The following ERGIC2 variants were observed in gnomAD, a reference collection of about 807,000 sequenced individuals.
ERGIC2 encodes endoplasmic reticulum-Golgi intermediate compartment protein 2.
ERGIC2 carries 31 observed loss-of-function variants against 52.5 expected under a neutral mutation model. The ratio of observed to expected loss-of-function variants is 0.59; its 90% CI spans 0.44 to 0.80. The LOEUF (loss-of-function observed/expected upper bound fraction) is 0.80, where lower values mean the gene tolerates loss of function less well. ERGIC2 is among the 30% of genes least tolerant of loss of function. The probability of loss-of-function intolerance (pLI) is 0.00; values close to 1 mark genes in which losing one functional copy is unlikely to be tolerated. For missense variants in ERGIC2, 395 were observed against 455.2 expected (o/e 0.87, Z 1.20); for synonymous variants, 129 against 140.6 (o/e 0.92, Z 0.58).
intron 11 of ERGIC2, among the ~76,000 whole-genome samples, chr12:29,343,538 A>T (rs893202884): frequency 1.3e-5 from 2 of 152,194 alleles, no homozygotes; most frequent in Non-Finnish European, 2.9e-5. Flanking sequence ...GTCACCTTAG[A>T]TACAAGTTTT....
chr12:29,368,909 C>T lies in ERGIC2; in HGVS notation c.216-622G>A, dbSNP rs537086217. On this transcript the variant is annotated intron_variant, in intron 3 of 13. Transcript: ENST00000360150. ...ACTACCAAAAGTAAATCACCTGATG[C>T]TTAAAATTTTTCATGGCCTTTCATT... is the stretch of plus-strand genomic sequence containing the variant. Among the ~76,000 whole-genome samples the T allele has an allele frequency of 2.0e-4, 31 of 151,974 alleles. 2 individuals carry two copies. In the South Asian group the frequency reaches 6.0e-3, roughly 29 times the overall value.
In ERGIC2 at chr12:29,343,210, G is replaced by T. The variant is rs772898375; in HGVS notation, c.898C>A (p.Leu300Ile). 1 of 1,610,972 alleles carries T rather than the reference G, an allele frequency of 6.2e-7. No homozygotes were observed. The highest frequency in any genetic ancestry group is 1.1e-5 in the South Asian group (1 of 90,670). The change falls in exon 12 of 14, where the codon CTT becomes ATT. Residue 300 changes from leucine to isoleucine, a missense_variant. Physicochemically the swap from Leu to Ile is conservative, Grantham distance 5. Coordinates refer to ENST00000360150, the MANE Select transcript of ERGIC2 (RefSeq NM_016570.3). ...TGCTCCTCAGTAACTGTCACCATAA[G>T]AGAACTGAGATCATATTTCATAAAT... is the stretch of plus-strand genomic sequence containing the variant. The part of the protein sequence containing the change: ...GIFMKYDLSS[L>I]MVTVTEEHMP...
At chr12:29,355,904 GTCT>G (rs1265831675) in intron 8 of ERGIC2, among the ~76,000 whole-genome samples, 2 of 152,108 alleles carry the variant, frequency 1.3e-5, no homozygotes, top group Non-Finnish European at 2.9e-5. Context: ...AAAGTTAGTA[GTCT>G]TCTCTATCCT....
intron 5 of ERGIC2, among the ~76,000 whole-genome samples, chr12:29,364,199 G>A (rs528969866): frequency 6.6e-6 from 1 of 152,188 alleles, no homozygotes; most frequent in African/African-American, 2.4e-5. Context: ...AGAAGATACA[G>A]GCAGTCATGC....
intron 2 of ERGIC2, 132 bp from the exon 3 acceptor site, chr12:29,370,354 C>T (rs1429895944): frequency 1.0e-6 from 1 of 998,772 alleles, no homozygotes; most frequent in Non-Finnish European, 1.4e-6. Context: ...TGAATGCATA[C>T]TATAGAAGGT....
chr12:29,351,021 T>C (rs1358264580), intron 8 of ERGIC2, among the ~76,000 whole-genome samples: 1 of 152,118 alleles, frequency 6.6e-6, no homozygotes, highest in Non-Finnish European at 1.5e-5. Flanking sequence ...GCTCAATAAT[T>C]GTAACTGATG....
chr12:29,357,198 G>A (rs1940219408), intron 7 of ERGIC2, among the ~76,000 whole-genome samples: 1 of 152,090 alleles, frequency 6.6e-6, no homozygotes, highest in Non-Finnish European at 1.5e-5. Flanking sequence ...TCGAACTCCT[G>A]ACCTCAAATG....
chr12:29,352,520 G>A (rs749759095), intron 8 of ERGIC2, among the ~76,000 whole-genome samples: 3 of 151,878 alleles, frequency 2.0e-5, no homozygotes, highest in Non-Finnish European at 2.9e-5. Context: ...AAAATTAGCC[G>A]GGCGTGGTGG....
At chr12:29,343,316 G>A in intron 11 of ERGIC2, 34 bp from the exon 12 acceptor site, 11 of 1,526,312 alleles carry the variant, frequency 7.2e-6, no homozygotes, top group Non-Finnish European at 9.8e-6. Context: ...GGAGAAATAG[G>A]AGGAAGAGAG....
intron 1 of ERGIC2, chr12:29,380,499 G>C (rs1296378922): frequency 6.6e-6 from 1 of 152,200 alleles, no homozygotes; most frequent in East Asian, 1.9e-4. Context: ...AGATAAACAA[G>C]GCTATTCTCC....
At position 29,338,970 on chromosome 12, in the gene ERGIC2, A is replaced by G. The variant is rs1044249031; in HGVS notation, c.*2186T>C. On this transcript the variant is annotated 3_prime_UTR_variant, in exon 14 of 14. Transcript: ENST00000360150. ...AGTTGCATAACAGGTAGGTGAGTAA[A>G]GTGCTCTCTGCAATAGAAAAGAATC... 7 of 152,196 alleles carry G rather than the reference A, an allele frequency of 4.6e-5. No homozygotes were observed. The highest frequency in any genetic ancestry group is 8.8e-5 in the Non-Finnish European group (6 of 68,034). The allele number at this position is 152,196 out of a possible 1,614,324, so 9.4% of individuals were successfully genotyped here.
intron 13 of ERGIC2, 72 bp downstream of exon 13, chr12:29,341,662 C>A: frequency 1.2e-6 from 1 of 810,388 alleles, no homozygotes; most frequent in South Asian, 1.6e-5. Flanking sequence ...TGTGAGCCAC[C>A]ATGACTGGCT....
At chr12:29,356,264 C>T in intron 8 of ERGIC2, 118 bp downstream of exon 8, 1 of 603,236 alleles carries the variant, frequency 1.7e-6, no homozygotes, top group Non-Finnish European at 3.0e-6. Flanking sequence ...CTCAGGTGAT[C>T]CACCCGCCTC....
intron 9 of ERGIC2, among the ~76,000 whole-genome samples, chr12:29,349,576 T>C (rs1459448975): frequency 6.6e-6 from 1 of 152,038 alleles, no homozygotes; most frequent in Non-Finnish European, 1.5e-5. Context: ...TAATACACTA[T>C]TGCTAAATGT....
chr12:29,361,529 T>C (rs2136868254), intron 6 of ERGIC2, 116 bp downstream of exon 6: 1 of 662,650 alleles, frequency 1.5e-6, no homozygotes, highest in South Asian at 3.8e-5. Flanking sequence ...TACCAAATTC[T>C]GCTAAGAATT....
In ERGIC2 at chr12:29,361,662, C is replaced by T. The variant is rs557188560; in HGVS notation, c.357G>A (p.Gln119=). 6.2e-7 allele frequency: 1 copy of T among 1,605,816 alleles called. No homozygotes were observed. The highest frequency in any genetic ancestry group is 2.2e-5 in the East Asian group (1 of 44,526). ...YEPTVFDLSP[Q]QKEWQRMLQL... ...CTTATTACCTCTGCCACTCTTTCTG[C>T]TGTGGTGAAAGATCAAATACTGTCT... The change falls in exon 6 of 14, where the codon CAG becomes CAA. Residue 119 remains glutamine, a synonymous_variant. Transcript: ENST00000360150.
At chr12:29,351,751 C>T (rs775328530) in intron 8 of ERGIC2, among the ~76,000 whole-genome samples, 2 of 152,134 alleles carry the variant, frequency 1.3e-5, no homozygotes, top group Admixed American at 6.5e-5. Flanking sequence ...GATGGCTTTC[C>T]TTACTTGCTA....
intron 6 of ERGIC2, among the ~76,000 whole-genome samples, chr12:29,359,508 T>C (rs2136866527): frequency 6.6e-6 from 1 of 152,164 alleles, no homozygotes; most frequent in Non-Finnish European, 1.5e-5. Flanking sequence ...ATTTATATCA[T>C]CTTAATAGTA....
intron 4 of ERGIC2, among the ~76,000 whole-genome samples, chr12:29,367,198 T>TA (rs375518534): frequency 0.23 from 33,502 of 143,338 alleles, 6,110 homozygotes; most frequent in African/African-American, 0.52. Flanking sequence ...TCTTACCCAA[T>TA]AAAAAAAAAA....
Sources: gnomAD v4.1 joint callset for allele counts (sites outside exome capture counted in the v4.1 genomes callset) on GRCh38, gnomAD v4.1.1 for gene constraint, MANE v1.5 for transcripts, NCBI Gene and HGNC (gene_info 2026-07-23, HGNC 2026-07-21) for gene names.